CRYBG3: variants seen among roughly 807,000 people sequenced by gnomAD.
CRYBG3 encodes the protein very large A-kinase anchor protein.
In CRYBG3, 127 loss-of-function variants were observed where a neutral mutation model predicts 244.2. The observed-to-expected ratio is 0.52, with a 90% CI of 0.45 to 0.60. CRYBG3 has a LOEUF of 0.60. Ranked by LOEUF, CRYBG3 falls within the 20% of genes least tolerant of loss-of-function variation. The pLI, the probability that CRYBG3 is intolerant of heterozygous loss-of-function variation, is 0.00. For synonymous variants in CRYBG3, 1,132 were observed against 1,195.8 expected (o/e 0.95, Z 1.10); for missense variants, 3,325 against 3,442.5 (o/e 0.97, Z 0.85).
intron 7 of CRYBG3, among the ~76,000 whole-genome samples, chr3:97,882,274 T>C (rs1016363011): frequency 6.6e-6 from 1 of 152,104 alleles, no homozygotes; most frequent in African/African-American, 2.4e-5. Flanking sequence ...TATACACTGT[T>C]CCTAATTAGA....
At chr3:97,855,720 C>A (rs757687698) in intron 2 of CRYBG3, among the ~76,000 whole-genome samples, 1 of 152,068 alleles carries the variant, frequency 6.6e-6, no homozygotes, top group Non-Finnish European at 1.5e-5. Flanking sequence ...CATCACATGT[C>A]GGTAGGTTCT....
At chr3:97,827,159 T>C (rs2038588929) in intron 1 of CRYBG3, among the ~76,000 whole-genome samples, 1 of 152,162 alleles carries the variant, frequency 6.6e-6, no homozygotes, top group Non-Finnish European at 1.5e-5. Flanking sequence ...GGAATCAACA[T>C]TCCAAAAAAG....
At chr3:97,822,724 C>T (rs1401610058) in intron 1 of CRYBG3, among the ~76,000 whole-genome samples, 1 of 152,212 alleles carries the variant, frequency 6.6e-6, no homozygotes, top group Non-Finnish European at 1.5e-5. Flanking sequence ...CCCGGCGTCC[C>T]GCCTGCAGTA....
intron 17 of CRYBG3, among the ~76,000 whole-genome samples, chr3:97,916,551 A>G (rs1319631373): frequency 6.6e-6 from 1 of 152,136 alleles, no homozygotes; most frequent in African/African-American, 2.4e-5. Flanking sequence ...TCTAATTATG[A>G]CAATTCCTTG....
In CRYBG3 at chr3:97,942,380, A is replaced by G; in HGVS notation, c.8761A>G (p.Arg2921Gly). The G allele has an allele frequency of 6.2e-7, 1 of 1,611,912 alleles. No individual in the cohort carries two copies. Among genetic ancestry groups the G allele is most frequent in the Non-Finnish European group, 8.5e-7 (1 of 1,178,518 alleles). Residue 2921 changes from arginine (R) to glycine (G), a missense_variant, in exon 21 of 22, where the codon AGA becomes GGA. Arg to Gly is a moderately radical substitution (Grantham distance 125). Around this residue, in one of 4 missense-constraint regions of CRYBG3, gnomAD observed 714 missense variants for 803.6 expected, o/e 0.89. Coordinates refer to ENST00000389622, the MANE Select transcript of CRYBG3 (RefSeq NM_153605.4). ...ACATGGGCAATTCAGGCAGAAGTGG[A>G]GACTGAATAAAAATGGAACTATCAG... ...TEHGQFRQKW[R>G]LNKNGTISSY...
chr3:97,873,419 G>T lies in CRYBG3; in HGVS notation c.2225G>T (p.Cys742Phe). The change falls in exon 4 of 22, where the codon TGC becomes TTC. Residue 742 changes from cysteine to phenylalanine, a missense_variant. Cys to Phe is a radical substitution (Grantham distance 205). Coordinates refer to ENST00000389622, the MANE Select transcript of CRYBG3 (RefSeq NM_153605.4). ...GAAGTTCTTTCTAATAGTGAAAAAT[G>T]CCAGGTTCTTCCAGGTTCTGAAGCC... ...FKEVLSNSEKCQVLPGSEASG... is the reference protein window; with the variant it reads ...FKEVLSNSEKFQVLPGSEASG... The T allele has an allele frequency of 6.5e-7, 1 of 1,535,248 alleles. No individual in the cohort carries two copies. The highest frequency in any genetic ancestry group is 8.7e-7 in the Non-Finnish European group (1 of 1,146,664).
Position 97,874,731 on chromosome 3 carries a change from A to G in CRYBG3, c.3537A>G (p.Ile1179Met), listed in dbSNP as rs916146180. The change falls in exon 4 of 22, where the codon ATA (isoleucine) becomes ATG (methionine). Residue 1179 changes from isoleucine to methionine, a missense_variant. Around this residue, in one of 4 missense-constraint regions of CRYBG3, gnomAD observed 1,526 missense variants for 1,443.2 expected, o/e 1.06. Coordinates refer to ENST00000389622, the MANE Select transcript of CRYBG3 (RefSeq NM_153605.4). Reference sequence around the variant, plus strand: ...GTTCTGAAGCCTCTGCTGAGCACATAGAAGCCAGGAGAAGAGCACATGACC... The same window carrying G: ...GTTCTGAAGCCTCTGCTGAGCACATGGAAGCCAGGAGAAGAGCACATGACC... ...QQCSEASAEH[I>M]EARRRAHDQL... 28 of 1,535,892 alleles carry G rather than the reference A, an allele frequency of 1.8e-5. No homozygotes were observed. Among genetic ancestry groups the G allele is most frequent in the Non-Finnish European group, 2.4e-5 (28 of 1,146,818 alleles).
intron 17 of CRYBG3, among the ~76,000 whole-genome samples, chr3:97,923,001 T>C (rs1440175629): frequency 6.6e-6 from 1 of 152,098 alleles, no homozygotes; most frequent in African/African-American, 2.4e-5. Flanking sequence ...TGGAATACTA[T>C]GCAGCCATAA....
chr3:97,865,147 T>C (rs1205569138), intron 3 of CRYBG3, among the ~76,000 whole-genome samples: 1 of 152,228 alleles, frequency 6.6e-6, no homozygotes, highest in Admixed American at 6.5e-5. Flanking sequence ...ACCACTTTCT[T>C]CATTGTTTGA....
At position 97,944,507 on chromosome 3, in the gene CRYBG3, C is replaced by T. The variant is rs964044822; in HGVS notation, c.*1193C>T. 3.3e-5 allele frequency: 5 copies of T among 152,306 alleles called. No homozygotes were observed. Among genetic ancestry groups the T allele is most frequent in the Admixed American group, 1.3e-4 (2 of 15,216 alleles). The allele number at this position is 152,306 out of a possible 1,614,324, so 9.4% of individuals were successfully genotyped here. ...ATTTTAAAAAATATCAACCTACATG[C>T]ACTTTAGAATGTAAAATAACAATGA... On this transcript the variant is annotated 3_prime_UTR_variant, in exon 22 of 22. Transcript: ENST00000389622.
chr3:97,872,097 A>C lies in CRYBG3; in HGVS notation c.903A>C (p.Leu301Phe). The change falls in exon 4 of 22, where the codon TTA (leucine) becomes TTC (phenylalanine). Residue 301 changes from leucine to phenylalanine, a missense_variant. Physicochemically the swap from Leu to Phe is conservative, Grantham distance 22 (BLOSUM62 0). Coordinates refer to ENST00000389622, the MANE Select transcript of CRYBG3 (RefSeq NM_153605.4). Reference sequence around the variant, plus strand: ...AAGGAAATCTACTTGAAGGCCCATTAGAAGACTCTGATTGTAGCAAAACAA... The same window carrying C: ...AAGGAAATCTACTTGAAGGCCCATTCGAAGACTCTGATTGTAGCAAAACAA... ...SMKGNLLEGP[L>F]EDSDCSKTSF... 1 of 1,536,024 alleles carries C rather than the reference A, an allele frequency of 6.5e-7. No homozygotes were observed. Among genetic ancestry groups the C allele is most frequent in the Non-Finnish European group, 8.7e-7 (1 of 1,146,808 alleles).
chr3:97,875,029 G>A lies in CRYBG3; in HGVS notation c.3835G>A (p.Val1279Ile), dbSNP rs1374039550. ...NMSEVKEKPC[V>I]SPTVGEKNLL... Reference sequence around the variant, plus strand: ...GTCAGAAGTCAAAGAGAAGCCCTGTGTTTCACCAACAGTTGGTGAGAAGAA... The same window carrying A: ...GTCAGAAGTCAAAGAGAAGCCCTGTATTTCACCAACAGTTGGTGAGAAGAA... The change falls in exon 4 of 22, where the codon GTT becomes ATT. Residue 1279 changes from valine to isoleucine, a missense_variant. Around this residue, in one of 4 missense-constraint regions of CRYBG3, gnomAD observed 635 missense variants for 771.7 expected, o/e 0.82. Coordinates refer to ENST00000389622, the MANE Select transcript of CRYBG3 (RefSeq NM_153605.4). 1.2e-5 allele frequency: 18 copies of A among 1,535,338 alleles called. No individual in the cohort carries two copies. Among genetic ancestry groups the A allele is most frequent in the Admixed American group, 3.9e-5 (2 of 50,872 alleles).
intron 3 of CRYBG3, among the ~76,000 whole-genome samples, chr3:97,865,640 T>C (rs2039220255): frequency 6.6e-6 from 1 of 152,170 alleles, no homozygotes; most frequent in African/African-American, 2.4e-5. Flanking sequence ...TGATGTAATA[T>C]TTGCTAGACA....
At position 97,877,170 on chromosome 3, in the gene CRYBG3, T is replaced by C. The variant is rs1473013032; in HGVS notation, c.5976T>C (p.Asp1992=). The C allele has an allele frequency of 2.5e-6, 4 of 1,613,904 alleles. No individual in the cohort carries two copies. The highest frequency in any genetic ancestry group is 1.1e-5 in the South Asian group (1 of 91,080). Residue 1992 remains aspartate (D), a synonymous_variant, in exon 4 of 22, where the codon GAT becomes GAC. Coordinates refer to ENST00000389622, the MANE Select transcript of CRYBG3 (RefSeq NM_153605.4). The stretch of plus-strand genomic sequence containing the variant: ...ATAATTTAGCTTTTGTTTCTCAAGA[T>C]GAACAAGAAAATTCTTCCTTTACTA... The part of the protein sequence containing the change: ...KGYNLAFVSQ[D]EQENSSFTIL...
chr3:97,866,585 C>T (rs545686271), intron 3 of CRYBG3, among the ~76,000 whole-genome samples: 5 of 152,226 alleles, frequency 3.3e-5, no homozygotes, highest in African/African-American at 4.8e-5. Context: ...GTTTTGCTTG[C>T]TCGCATTTGA....
intron 1 of CRYBG3, among the ~76,000 whole-genome samples, chr3:97,828,304 TG>T (rs2038604944): frequency 6.6e-6 from 1 of 152,176 alleles, no homozygotes; most frequent in African/African-American, 2.4e-5. Context: ...GGAATTCCAC[TG>T]AACATGTACA....
In CRYBG3 at chr3:97,874,929, GAAA is replaced by G; in HGVS notation, c.3738_3740del (p.Lys1246del). On this transcript the variant is annotated inframe_deletion, in exon 4 of 22. Coordinates refer to ENST00000389622, the MANE Select transcript of CRYBG3 (RefSeq NM_153605.4). ...GTACCCTGAAAGAAGACATCTCTGA[GAAA>G]AACCCATCAGAAGTGACACTAACAG... 1 of 1,535,660 alleles carries G rather than the reference GAAA, an allele frequency of 6.5e-7. No homozygotes were observed.
At chr3:97,860,995 C>G (rs901386971) in intron 2 of CRYBG3, among the ~76,000 whole-genome samples, 1 of 151,988 alleles carries the variant, frequency 6.6e-6, no homozygotes, top group Non-Finnish European at 1.5e-5. Flanking sequence ...TGCCACTTAC[C>G]CAGAGCCCTA....
In CRYBG3 at chr3:97,872,132, A is replaced by G. The variant is rs770342851; in HGVS notation, c.938A>G (p.Lys313Arg). The G allele has an allele frequency of 3.3e-6, 5 of 1,536,056 alleles. No homozygotes were observed. The African/African-American group carries it at 4.1e-5, about 13-fold the overall frequency. The change falls in exon 4 of 22, where the codon AAG becomes AGG. Residue 313 changes from lysine to arginine, a missense_variant. Lys to Arg is a conservative substitution (Grantham distance 26). Around this residue, in one of 4 missense-constraint regions of CRYBG3, gnomAD observed 1,526 missense variants for 1,443.2 expected, o/e 1.06. Coordinates refer to ENST00000389622, the MANE Select transcript of CRYBG3 (RefSeq NM_153605.4). ...GATTGTAGCAAAACAAGTTTCAACAAGGAAAATTCTTTGACAAATAACCCA... is the reference window on the plus strand; with the variant it reads ...GATTGTAGCAAAACAAGTTTCAACAGGGAAAATTCTTTGACAAATAACCCA... ...DSDCSKTSFNKENSLTNNPEL... is the reference protein window; with the variant it reads ...DSDCSKTSFNRENSLTNNPEL...
Sources: allele counts gnomAD v4.1 joint callset (sites outside exome capture counted in the v4.1 genomes callset), GRCh38; gene constraint gnomAD v4.1.1; regional missense constraint gnomAD v4.1.1; transcripts MANE v1.5; gene names NCBI Gene and HGNC (gene_info 2026-07-23, HGNC 2026-07-21).